Variants in SHISA9 observed in about 807,000 individuals in gnomAD.
The protein encoded by SHISA9 is shisa family member 9, also known as protein shisa-9.
In SHISA9, 13 loss-of-function variants were observed where a neutral mutation model predicts 38.0. That is an observed-to-expected ratio of 0.34 (90% confidence interval 0.22 to 0.54). The LOEUF is 0.54. SHISA9 is among the 20% of genes least tolerant of loss of function. The pLI is 0.91. For synonymous variants in SHISA9, 275 were observed against 242.0 expected (o/e 1.14, Z -1.27); for missense variants, 538 against 575.8 (o/e 0.93, Z 0.67).
chr16:13,003,227 G>T (rs11641597), intron 2 of SHISA9, among the ~76,000 whole-genome samples: 27,976 of 152,178 alleles, frequency 0.18, 3,345 homozygotes, highest in Middle Eastern at 0.31. Flanking sequence ...CCATGGGAAT[G>T]ACTTGGGACT....
At chr16:13,548,426 C>G in the SHISA9 span, among the ~76,000 whole-genome samples, 1 of 152,120 alleles carries the variant, frequency 6.6e-6, no homozygotes, top group Non-Finnish European at 1.5e-5. Context: ...AGACAACCTA[C>G]AGAATGGGAG....
At chr16:13,157,531 G>A (rs778502832) in intron 2 of SHISA9, among the ~76,000 whole-genome samples, 1 of 152,182 alleles carries the variant, frequency 6.6e-6, no homozygotes, top group African/African-American at 2.4e-5. Context: ...ATTTTCGTGA[G>A]GATTGAAGGA....
chr16:12,951,221 C>CAAA (rs71147772), intron 2 of SHISA9, among the ~76,000 whole-genome samples: 1 of 11,956 alleles, frequency 8.4e-5, no homozygotes. Flanking sequence ...ACTCCTTCTC[C>CAAA]AAAAAAAAAA....
chr16:13,147,364 T>C (rs1377204519), intron 2 of SHISA9, among the ~76,000 whole-genome samples: 2 of 151,616 alleles, frequency 1.3e-5, no homozygotes, highest in South Asian at 2.1e-4. Context: ...GGTCATAAAA[T>C]AGTGACAGCA....
the SHISA9 span, among the ~76,000 whole-genome samples, chr16:13,341,121 T>C: frequency 5.9e-3 from 892 of 152,326 alleles, 2 homozygotes; most frequent in African/African-American, 0.019. Context: ...TCTCCACTTC[T>C]GTATCCCCAG....
chr16:13,200,441 C>CAT (rs1242371901), intron 2 of SHISA9, among the ~76,000 whole-genome samples: 11 of 145,528 alleles, frequency 7.6e-5, no homozygotes, highest in African/African-American at 2.7e-5. Context: ...CACACACACA[C>CAT]AGCAGCAGCA....
intron 2 of SHISA9, among the ~76,000 whole-genome samples, chr16:12,972,485 C>G (rs887210342): frequency 6.6e-6 from 1 of 152,136 alleles, no homozygotes. Flanking sequence ...AAGGATGAAT[C>G]ATACAGAATC....
chr16:13,405,635 C>A, the SHISA9 span, among the ~76,000 whole-genome samples: 19 of 152,276 alleles, frequency 1.2e-4, no homozygotes, highest in East Asian at 2.3e-3. Context: ...TTCCTTCTCA[C>A]TGTAGTAGTC....
At chr16:13,298,060 T>C in the SHISA9 span, among the ~76,000 whole-genome samples, 26,069 of 152,164 alleles carry the variant, frequency 0.17, 2,418 homozygotes, top group African/African-American at 0.19. Flanking sequence ...CCAGCTGCTA[T>C]CAGTGCTTTC....
chr16:13,390,211 A>G, the SHISA9 span, among the ~76,000 whole-genome samples: 1 of 152,062 alleles, frequency 6.6e-6, no homozygotes, highest in Non-Finnish European at 1.5e-5. Flanking sequence ...CACCAGAAGC[A>G]AGCATGCATT....
At chr16:13,315,595 T>C in the SHISA9 span, among the ~76,000 whole-genome samples, 13 of 152,224 alleles carry the variant, frequency 8.5e-5, no homozygotes, top group Admixed American at 7.9e-4. Flanking sequence ...AGGAAAGTTA[T>C]GTAACTTCTC....
At chr16:13,128,637 C>T (rs1004254436) in intron 2 of SHISA9, among the ~76,000 whole-genome samples, 17 of 152,178 alleles carry the variant, frequency 1.1e-4, no homozygotes, top group African/African-American at 4.1e-4. Flanking sequence ...CATTTTTATT[C>T]ATGCCCAGAT....
the SHISA9 span, among the ~76,000 whole-genome samples, chr16:13,531,005 T>A: frequency 6.6e-6 from 1 of 152,214 alleles, no homozygotes. Flanking sequence ...AGCCTAGGGG[T>A]AAAGCCAACA....
At chr16:13,137,612 C>T (rs143930949) in intron 2 of SHISA9, among the ~76,000 whole-genome samples, 10 of 151,990 alleles carry the variant, frequency 6.6e-5, no homozygotes, top group South Asian at 2.1e-4. Context: ...CATGCCACCA[C>T]GCCCAGCTAA....
the SHISA9 span, among the ~76,000 whole-genome samples, chr16:13,427,225 C>CA: frequency 6.6e-6 from 1 of 152,142 alleles, no homozygotes; most frequent in African/African-American, 2.4e-5. Flanking sequence ...AGTCACACGT[C>CA]AAAGAGAAAG....
chr16:13,184,373 A>G (rs374719685), intron 2 of SHISA9, among the ~76,000 whole-genome samples: 1 of 152,204 alleles, frequency 6.6e-6, no homozygotes, highest in Non-Finnish European at 1.5e-5. Context: ...TTTAAGCTCC[A>G]TATTTCAGAG....
intron 3 of SHISA9, chr16:13,204,717 T>C (rs977475216): frequency 6.6e-6 from 1 of 152,254 alleles, no homozygotes; most frequent in African/African-American, 2.4e-5. Context: ...ACCCTTGTTT[T>C]CTCATAGTGA....
intron 2 of SHISA9, among the ~76,000 whole-genome samples, chr16:13,045,406 T>C (rs1454402565): frequency 6.6e-6 from 1 of 152,198 alleles, no homozygotes. Context: ...ACCCCTCTGA[T>C]AAATCTTCCA....
intron 2 of SHISA9, among the ~76,000 whole-genome samples, chr16:12,971,965 T>C (rs1038092900): frequency 2.6e-5 from 4 of 151,854 alleles, no homozygotes; most frequent in Admixed American, 6.6e-5. Context: ...GCATGCTTAA[T>C]CTATGCCAGA....
Sources: allele counts gnomAD v4.1 joint callset (sites outside exome capture counted in the v4.1 genomes callset), GRCh38; gene constraint gnomAD v4.1.1; transcripts MANE v1.5; gene names NCBI Gene and HGNC (gene_info 2026-07-23, HGNC 2026-07-21).